ABCA4: variants seen among roughly 807,000 people sequenced by gnomAD.
ABCA4 encodes retinal-specific phospholipid-transporting ATPase ABCA4.
ABCA4 carries 196 observed loss-of-function variants against 263.7 expected under a neutral mutation model. The observed-to-expected ratio is 0.74, with a 90% confidence interval of 0.66 to 0.84. The LOEUF is 0.84. ABCA4 is among the 40% of genes least tolerant of loss of function. The probability of loss-of-function intolerance (pLI) is 0.00; values close to 1 mark genes in which losing one functional copy is unlikely to be tolerated. For synonymous variants in ABCA4, 1,133 were observed against 1,094.2 expected, an observed-to-expected ratio of 1.04 and a Z score of -0.70; for missense variants, 2,792 against 2,855.1, an observed-to-expected ratio of 0.98 and a Z score of 0.50.
chr1:94,011,199 C>T, intron 39 of ABCA4, 63 bp downstream of exon 39: 1 of 1,612,674 alleles, frequency 6.2e-7, no homozygotes, highest in Non-Finnish European at 8.5e-7. Flanking sequence ...CAGGAGCCCC[C>T]CCGGTAACCC....
rs1557787937 is a variant in ABCA4 at position 94,063,335 on chromosome 1, G to A, written c.1555-18C>T. 2 of 1,612,728 alleles carry A rather than the reference G, an allele frequency of 1.2e-6. No individual in the cohort carries two copies. The highest frequency in any genetic ancestry group is 1.7e-6 in the Non-Finnish European group (2 of 1,178,744). On this transcript the variant is annotated intron_variant, in intron 11 of 49. Coordinates refer to ENST00000370225, the MANE Select transcript of ABCA4 (RefSeq NM_000350.3). Reference sequence around the variant, plus strand: ...ACCAAGCACTGCAGAGAGTCACAAAGTTGAGAGAGTGTGAGGAGGACCAAC... The same window carrying A: ...ACCAAGCACTGCAGAGAGTCACAAAATTGAGAGAGTGTGAGGAGGACCAAC...
chr1:94,111,845 G>T (rs1259443513), intron 2 of ABCA4, among the ~76,000 whole-genome samples: 1 of 152,188 alleles, frequency 6.6e-6, no homozygotes, highest in Non-Finnish European at 1.5e-5. Flanking sequence ...GGGGAAGCAA[G>T]GGGGGACACG....
chr1:94,104,414 C>T (rs1366018534), intron 4 of ABCA4, among the ~76,000 whole-genome samples: 1 of 152,224 alleles, frequency 6.6e-6, no homozygotes, highest in Non-Finnish European at 1.5e-5. Flanking sequence ...GGCATCCCAT[C>T]CTCTTCCTCT....
chr1:94,056,070 G>A (rs1324864935), intron 15 of ABCA4, among the ~76,000 whole-genome samples: 1 of 152,182 alleles, frequency 6.6e-6, no homozygotes, highest in Non-Finnish European at 1.5e-5. Context: ...GTCAGCTTCG[G>A]GAGTCCTCTC....
Position 93,999,485 on chromosome 1 carries a change from G to A in ABCA4, c.6479+1351C>T, listed in dbSNP as rs543589268. On this transcript the variant is annotated intron_variant, in intron 47 of 49. Transcript: ENST00000370225. ...GGGAAGGCAGCACTTCCCTGAGGAA[G>A]CTTCCTGAAACAATGGAGCTGCTAG... Among the ~76,000 whole-genome samples the A allele has an allele frequency of 2.8e-4, 42 of 152,352 alleles. 1 individual carries two copies. Among genetic ancestry groups the A allele is most frequent in the Admixed American group, 1.2e-3 (18 of 15,308 alleles).
intron 44 of ABCA4, among the ~76,000 whole-genome samples, chr1:94,003,002 C>CAT (rs1659235232): frequency 6.6e-6 from 1 of 152,104 alleles, no homozygotes; most frequent in African/African-American, 2.4e-5. Flanking sequence ...CTCTCTCACA[C>CAT]ACAATTTTTT....
At chr1:94,028,487 A>G (rs1257548192) in intron 30 of ABCA4, among the ~76,000 whole-genome samples, 1 of 152,232 alleles carries the variant, frequency 6.6e-6, no homozygotes, top group Admixed American at 6.5e-5. Flanking sequence ...GCACATGGAG[A>G]GCTTCTTAAT....
chr1:94,056,084 G>C (rs1195531705), intron 15 of ABCA4, among the ~76,000 whole-genome samples: 1 of 152,220 alleles, frequency 6.6e-6, no homozygotes, highest in African/African-American at 2.4e-5. Context: ...TCCTCTCCTG[G>C]CCAGCGAGCC....
chr1:94,008,623 G>C lies in ABCA4; in HGVS notation c.5835+128C>G, dbSNP rs117546006. On this transcript the variant is annotated intron_variant, in intron 41 of 49. Transcript: ENST00000370225. ...AGACGAGTTATAACACAGGGATGATGACCCTACATAAAACTGGGAACCAAA... is the reference window on the plus strand; with the variant it reads ...AGACGAGTTATAACACAGGGATGATCACCCTACATAAAACTGGGAACCAAA... 13 of 1,260,414 alleles carry C rather than the reference G, an allele frequency of 1.0e-5. No individual in the cohort carries two copies. In the East Asian group the frequency reaches 3.0e-4, roughly 29 times the overall value. The allele number at this position is 1,260,414 out of a possible 1,614,324, so 78.1% of individuals were successfully genotyped here. A position where few individuals can be genotyped will look rare whatever the true frequency, so the allele number is the denominator to read the frequency against.
At chr1:94,109,890 T>C (rs917516236) in intron 3 of ABCA4, among the ~76,000 whole-genome samples, 6 of 152,184 alleles carry the variant, frequency 3.9e-5, no homozygotes, top group African/African-American at 1.4e-4. Context: ...GTGCAAAACA[T>C]GAAACCCAAC....
intron 23 of ABCA4, among the ~76,000 whole-genome samples, chr1:94,040,551 A>T (rs1053430721): frequency 6.6e-6 from 1 of 152,210 alleles, no homozygotes; most frequent in African/African-American, 2.4e-5. Flanking sequence ...GCCTGTTCTT[A>T]AGAAGCCCAG....
intron 29 of ABCA4, 21 bp downstream of exon 29, chr1:94,030,407 C>A (rs757601993): frequency 2.5e-6 from 4 of 1,612,182 alleles, no homozygotes; most frequent in Non-Finnish European, 8.5e-7. Flanking sequence ...CTTCTTAGGA[C>A]AGGGGCGCGT....
chr1:94,102,601 G>A (rs558731845), intron 5 of ABCA4, among the ~76,000 whole-genome samples: 6 of 152,164 alleles, frequency 3.9e-5, no homozygotes, highest in Admixed American at 3.9e-4. Context: ...CCTGAGCATC[G>A]CCTGTGGCCC....
chr1:93,996,098 A>G lies in ABCA4; in HGVS notation c.6816+11T>C. The G allele has an allele frequency of 6.2e-7, 1 of 1,613,178 alleles. No individual in the cohort carries two copies. The highest frequency in any genetic ancestry group is 8.5e-7 in the Non-Finnish European group (1 of 1,179,490). The stretch of plus-strand genomic sequence containing the variant: ...GCCTCAAGCTGTGGACTGCATAAGC[A>G]GCAGGGGTACCTGGGCTTGTCGACT... On this transcript the variant is annotated intron_variant, in intron 49 of 49. Transcript: ENST00000370225.
intron 16 of ABCA4, among the ~76,000 whole-genome samples, chr1:94,052,550 T>C (rs922935687): frequency 6.6e-6 from 1 of 152,220 alleles, no homozygotes; most frequent in African/African-American, 2.4e-5. Flanking sequence ...GTTGAATAAA[T>C]GAAAGCTTTA....
chr1:94,063,532 G>A (rs541070057), intron 11 of ABCA4, among the ~76,000 whole-genome samples: 3 of 152,296 alleles, frequency 2.0e-5, no homozygotes, highest in South Asian at 2.1e-4. Context: ...AAGTGCTGAC[G>A]TGCTCTTATC....
At chr1:94,030,619 G>A in intron 28 of ABCA4, 93 bp from the exon 29 acceptor site, 1 of 1,254,686 alleles carries the variant, frequency 8.0e-7, no homozygotes, top group South Asian at 1.2e-5. Flanking sequence ...TGTGTGCCAG[G>A]TATGTATTGG....
intron 47 of ABCA4, among the ~76,000 whole-genome samples, chr1:93,999,204 C>A (rs890727209): frequency 1.3e-5 from 2 of 149,456 alleles, no homozygotes; most frequent in Non-Finnish European, 3.0e-5. Context: ...TACCACCATG[C>A]CCATCTAATT....
rs1661165271 is a variant in ABCA4 at position 94,062,704 on chromosome 1, T to C, written c.1810A>G (p.Ile604Val). Reference protein sequence around the residue: ...RADPVEDFRYIWGGFAYLQDM... With the variant: ...RADPVEDFRYVWGGFAYLQDM... ...TGCAGATAGGCAAACCCGCCCCAGA[T>C]GTACCGGAAATCTTCCACGGGATCA... The change falls in exon 13 of 50, where the codon ATC becomes GTC. Residue 604 changes from isoleucine to valine, a missense_variant. Physicochemically the swap from Ile to Val is conservative, Grantham distance 29. Transcript: ENST00000370225. 1 of 1,614,174 alleles carries C rather than the reference T, an allele frequency of 6.2e-7. No homozygotes were observed. Among genetic ancestry groups the C allele is most frequent in the African/African-American group, 1.3e-5 (1 of 75,040 alleles).
Sources: gnomAD v4.1 joint callset for allele counts (sites outside exome capture counted in the v4.1 genomes callset) on GRCh38, gnomAD v4.1.1 for gene constraint, MANE v1.5 for transcripts, NCBI Gene and HGNC (gene_info 2026-07-23, HGNC 2026-07-21) for gene names.